CPS1: variants seen among roughly 807,000 people sequenced by gnomAD.
CPS1 encodes carbamoyl-phosphate synthase [ammonia], mitochondrial.
In CPS1, 109 loss-of-function variants were observed where a neutral mutation model predicts 174.6. The observed-to-expected ratio is 0.62, with a 90% CI of 0.53 to 0.73. The LOEUF (loss-of-function observed/expected upper bound fraction) is 0.73, where lower values mean the gene tolerates loss of function less well. CPS1 is among the 30% of genes least tolerant of loss of function. The probability of loss-of-function intolerance (pLI) is 0.00; values close to 1 mark genes in which losing one functional copy is unlikely to be tolerated. For missense variants in CPS1, 1,689 were observed against 1,821.9 expected (o/e 0.93, Z 1.33); for synonymous variants, 637 against 632.0 (o/e 1.01, Z -0.12).
chr2:210,587,967 A>G, intron 6 of CPS1, 91 bp from the exon 7 acceptor site: 1 of 1,107,724 alleles, frequency 9.0e-7, no homozygotes. Context: ...TTACCAATCT[A>G]AGTTCAAAAC....
At chr2:210,531,615 A>T (rs1696116522) in intron 1 of CPS1, among the ~76,000 whole-genome samples, 1 of 152,140 alleles carries the variant, frequency 6.6e-6, no homozygotes, top group Non-Finnish European at 1.5e-5. Flanking sequence ...TGAGCTGCAG[A>T]AGTAAAGGTC....
intron 29 of CPS1, among the ~76,000 whole-genome samples, chr2:210,656,090 T>A (rs993757966): frequency 6.6e-6 from 1 of 152,204 alleles, no homozygotes; most frequent in Non-Finnish European, 1.5e-5. Flanking sequence ...CTTGATGAGA[T>A]CTTTGAGACT....
At chr2:210,508,464 AAGAACT>A (rs1695352224) in intron 1 of CPS1, among the ~76,000 whole-genome samples, 1 of 152,074 alleles carries the variant, frequency 6.6e-6, no homozygotes, top group Non-Finnish European at 1.5e-5. Flanking sequence ...TCACAATTAA[AAGAACT>A]AGAGAAGCAA....
intron 18 of CPS1, among the ~76,000 whole-genome samples, chr2:210,608,118 G>A (rs368237368): frequency 6.6e-6 from 1 of 151,842 alleles, no homozygotes; most frequent in East Asian, 1.9e-4. Context: ...AAGGTTGAGC[G>A]TTGTAGCAAT....
At chr2:210,660,761 G>A in intron 32 of CPS1, 106 bp downstream of exon 32, 2 of 1,072,574 alleles carry the variant, frequency 1.9e-6, no homozygotes, top group South Asian at 2.7e-5. Context: ...TAACTAAAGG[G>A]TTGGACTAGG....
At chr2:210,597,289 T>A (rs1698518703) in intron 13 of CPS1, among the ~76,000 whole-genome samples, 1 of 151,884 alleles carries the variant, frequency 6.6e-6, no homozygotes, top group Non-Finnish European at 1.5e-5. Flanking sequence ...ATATTACTCT[T>A]AAAATCTTGA....
At chr2:210,555,390 T>C (rs1696881921), upstream of CPS1, among the ~76,000 whole-genome samples, 1 of 152,100 alleles carries the variant, frequency 6.6e-6, no homozygotes. Context: ...TGGGCAACTT[T>C]CATGGCACCA....
At chr2:210,574,031 T>A (rs953665234) in intron 2 of CPS1, among the ~76,000 whole-genome samples, 2 of 152,030 alleles carry the variant, frequency 1.3e-5, no homozygotes, top group African/African-American at 4.8e-5. Flanking sequence ...CGAGAGTTGC[T>A]ACAGAAATTA....
intron 11 of CPS1, chr2:210,593,487 T>G: frequency 1.0e-6 from 1 of 988,634 alleles, no homozygotes; most frequent in Non-Finnish European, 1.2e-6. Flanking sequence ...CTTAGAGGAG[T>G]TTTGTATTTA....
chr2:210,480,395 C>G lies in CPS1; in HGVS notation c.3+2629C>G, dbSNP rs796757870. Among the ~76,000 whole-genome samples, 8 of 152,226 alleles carry G rather than the reference C, an allele frequency of 5.3e-5. No individual in the cohort carries two copies. In the South Asian group the frequency reaches 1.7e-3, roughly 31 times the overall value. ...TACAATGAAAGAAGGGGAAGACTGACTTTGGTGGACAGTTAATGTCCTCCA... is the reference window on the plus strand; with the variant it reads ...TACAATGAAAGAAGGGGAAGACTGAGTTTGGTGGACAGTTAATGTCCTCCA... On this transcript the variant is annotated intron_variant, in intron 1 of 38. Transcript: ENST00000430249.
intron 29 of CPS1, among the ~76,000 whole-genome samples, chr2:210,655,900 T>C (rs987986993): frequency 6.6e-6 from 1 of 152,218 alleles, no homozygotes. Context: ...GTTATAGTGA[T>C]TGAGACCACA....
In CPS1 at chr2:210,676,018, G is replaced by GTACA. The variant is rs140112529; in HGVS notation, c.4274+180_4274+183dup. On this transcript the variant is annotated intron_variant, in intron 36 of 37. Coordinates refer to ENST00000233072, the MANE Select transcript of CPS1 (RefSeq NM_001875.5). ...CACTATGGAATACATAACGTCATGT[G>GTACA]TACATGGTGATATGAAACGTGTTTC... Among the ~76,000 whole-genome samples, 527 of 152,318 alleles carry GTACA rather than the reference G, an allele frequency of 3.5e-3. 4 individuals carry two copies. The highest frequency in any genetic ancestry group is 0.011 in the African/African-American group (473 of 41,558).
chr2:210,529,535 G>A (rs191828715), intron 1 of CPS1, among the ~76,000 whole-genome samples: 212 of 152,024 alleles, frequency 1.4e-3, no homozygotes, highest in African/African-American at 4.8e-3. Flanking sequence ...CATAACATTA[G>A]CATCTTGAGA....
intron 1 of CPS1, among the ~76,000 whole-genome samples, chr2:210,569,927 T>TGGACCTCTGTCAACGAGGACTGA (rs367900695): frequency 0.024 from 3,610 of 152,016 alleles, 118 homozygotes; most frequent in African/African-American, 0.074. Flanking sequence ...TCCTAGCCTG[T>TGGACCTCTGTCAACGAGGACTGA]GGACCTCTGT....
chr2:210,555,938 T>C (rs1020087215), upstream of CPS1, among the ~76,000 whole-genome samples: 7 of 152,180 alleles, frequency 4.6e-5, no homozygotes, highest in South Asian at 2.1e-4. Context: ...TCAGTGTTTG[T>C]CATTGTTTCA....
At chr2:210,632,514 C>T (rs1699900083) in intron 21 of CPS1, among the ~76,000 whole-genome samples, 1 of 152,160 alleles carries the variant, frequency 6.6e-6, no homozygotes, top group Non-Finnish European at 1.5e-5. Flanking sequence ...AATGACATCT[C>T]AGCCAGCCTG....
chr2:210,569,953 A>G (rs1166831374), intron 1 of CPS1, among the ~76,000 whole-genome samples: 1 of 152,004 alleles, frequency 6.6e-6, no homozygotes, highest in Non-Finnish European at 1.5e-5. Flanking sequence ...AGGACTGAGG[A>G]TACTAAAATA....
chr2:210,568,249 G>A (rs1451587997), intron 1 of CPS1, among the ~76,000 whole-genome samples: 1 of 152,060 alleles, frequency 6.6e-6, no homozygotes, highest in Non-Finnish European at 1.5e-5. Flanking sequence ...AAAAGGCAAC[G>A]AGGAAGACAT....
chr2:210,602,196 T>C lies in CPS1; in HGVS notation c.1708-6T>C. 1 of 1,612,126 alleles carries C rather than the reference T, an allele frequency of 6.2e-7. No individual in the cohort carries two copies. Among genetic ancestry groups the C allele is most frequent in the Non-Finnish European group, 8.5e-7 (1 of 1,178,890 alleles). On this transcript the variant is annotated splice_polypyrimidine_tract_variant and splice_region_variant and intron_variant, in intron 15 of 37. Transcript: ENST00000233072. ...TAAAATGTTGAGTCCTTGTTCTTGT[T>C]GACAGATTGAGGATGCACTGAAGGC...
Sources: gnomAD v4.1 joint callset for allele counts (sites outside exome capture counted in the v4.1 genomes callset) on GRCh38, gnomAD v4.1.1 for gene constraint, MANE v1.5 for transcripts, NCBI Gene and HGNC (gene_info 2026-07-23, HGNC 2026-07-21) for gene names.